The following UBE4A variants were observed in gnomAD, a reference collection of about 807,000 sequenced individuals.
UBE4A encodes the protein ubiquitin conjugation factor E4 A.
A neutral mutation model predicts 117.9 loss-of-function variants in UBE4A; 48 were observed. The ratio of observed to expected loss-of-function variants is 0.41; its 90% CI spans 0.32 to 0.52. The LOEUF (loss-of-function observed/expected upper bound fraction) is 0.52, where lower values mean the gene tolerates loss of function less well. Among genes scored for constraint, UBE4A ranks in the 20% least tolerant of loss-of-function variants. The probability of loss-of-function intolerance (pLI) is 0.33; values close to 1 mark genes in which losing one functional copy is unlikely to be tolerated. For synonymous variants in UBE4A, 407 were observed against 450.0 expected, an observed-to-expected ratio of 0.90 and a Z score of 1.21; for missense variants, 1,067 against 1,296.3, an observed-to-expected ratio of 0.82 and a Z score of 2.72.
At chr11:118,382,940 T>G (rs1432989806) in intron 13 of UBE4A, among the ~76,000 whole-genome samples, 164 bp downstream of exon 13, 12 of 152,038 alleles carry the variant, frequency 7.9e-5, no homozygotes, top group African/African-American at 2.9e-4. Flanking sequence ...TTTTTAACAT[T>G]ATCCCATTGT....
At position 118,376,706 on chromosome 11, in the gene UBE4A, G is replaced by A. The variant is rs2134095717; in HGVS notation, c.1571+12G>A. 6.2e-7 allele frequency: 1 copy of A among 1,611,306 alleles called. No homozygotes were observed. The highest frequency in any genetic ancestry group is 1.1e-5 in the South Asian group (1 of 90,728). On this transcript the variant is annotated intron_variant, in intron 10 of 19. Coordinates refer to ENST00000252108, the MANE Select transcript of UBE4A (RefSeq NM_001204077.2). ...TTGGGATTTCACAGGTAACTCCTCT[G>A]ATGTCATTAGGAAAAAACAGTTTAG...
chr11:118,375,501 A>G (rs914622374), intron 9 of UBE4A, among the ~76,000 whole-genome samples: 7 of 152,098 alleles, frequency 4.6e-5, no homozygotes, highest in African/African-American at 1.7e-4. Context: ...CTGGGACTAC[A>G]GGCACGCGCC....
At position 118,398,951 on chromosome 11, in the gene UBE4A, C is replaced by T. The variant is rs1269564965; in HGVS notation, c.*2511C>T. The T allele has an allele frequency of 1.3e-5, 5 of 393,182 alleles. No individual in the cohort carries two copies. Among genetic ancestry groups the T allele is most frequent in the Non-Finnish European group, 2.1e-5 (4 of 192,222 alleles). 24.4% of individuals were successfully genotyped at this position (393,182 alleles called of 1,614,324 possible). A position where few individuals can be genotyped will look rare whatever the true frequency, so the allele number is the denominator to read the frequency against. ...GATGGTGGTTGCTAAGCAGCCATTG[C>T]ACAGAGCATAAGTCTACTGGGTGCC... On this transcript the variant is annotated 3_prime_UTR_variant, in exon 20 of 20. Transcript: ENST00000252108.
chr11:118,372,689 T>C, intron 6 of UBE4A, 23 bp downstream of exon 6: 2 of 1,608,588 alleles, frequency 1.2e-6, no homozygotes, highest in Non-Finnish European at 8.5e-7. Flanking sequence ...ACAAGATCTG[T>C]AAGCTTCTAC....
chr11:118,370,023 C>T (rs1247967419), intron 4 of UBE4A, among the ~76,000 whole-genome samples: 2 of 151,024 alleles, frequency 1.3e-5, no homozygotes, highest in Admixed American at 1.3e-4. Context: ...ACCCAGGAGG[C>T]GGAGGTTGCA....
intron 11 of UBE4A, 23 bp downstream of exon 11, chr11:118,379,773 A>C: frequency 1.3e-6 from 2 of 1,599,780 alleles, no homozygotes; most frequent in Non-Finnish European, 1.7e-6. Flanking sequence ...TCCCTTGGGA[A>C]TGTCCTGTTT....
At chr11:118,371,783 G>C (rs752755829) in intron 5 of UBE4A, 117 bp downstream of exon 5, 1 of 1,116,414 alleles carries the variant, frequency 9.0e-7, no homozygotes, top group South Asian at 2.0e-5. Context: ...ATGTCTAGAA[G>C]TGAATATCAG....
In UBE4A at chr11:118,390,793, G is replaced by C; in HGVS notation, c.2905G>C (p.Glu969Gln). Residue 969 changes from glutamate (E) to glutamine (Q), a missense_variant, in exon 18 of 20, where the codon GAG becomes CAG. Glu to Gln is a conservative substitution (Grantham distance 29). Transcript: ENST00000252108. The stretch of plus-strand genomic sequence containing the variant: ...GATTATGGCTTTCAGCAACTTGGCA[G>C]AGAGAATCAAGGTGAGGAAGAGGAG... ...NMIMAFSNLA[E>Q]RIKSLADLQQ... The C allele has an allele frequency of 6.2e-7, 1 of 1,610,266 alleles. No individual in the cohort carries two copies. The highest frequency in any genetic ancestry group is 8.5e-7 in the Non-Finnish European group (1 of 1,177,984).
intron 4 of UBE4A, 97 bp downstream of exon 4, chr11:118,369,632 G>T: frequency 1.9e-5 from 13 of 690,418 alleles, no homozygotes; most frequent in Admixed American, 2.9e-5. Flanking sequence ...GTGTCCATAT[G>T]TCCATCCCTC....
chr11:118,381,544 T>G (rs1555126354), intron 12 of UBE4A, 21 bp downstream of exon 12: 1 of 1,613,114 alleles, frequency 6.2e-7, no homozygotes, highest in Admixed American at 1.7e-5. Flanking sequence ...GAAAGCTTGG[T>G]TCTGTCACTG....
intron 1 of UBE4A, 84 bp from the exon 2 acceptor site, chr11:118,364,956 G>A: frequency 8.3e-7 from 1 of 1,207,048 alleles, no homozygotes; most frequent in Non-Finnish European, 1.1e-6. Flanking sequence ...TTGTATTTGA[G>A]AAATGGGAAA....
intron 9 of UBE4A, among the ~76,000 whole-genome samples, chr11:118,375,957 A>G (rs1416586714): frequency 1.3e-5 from 2 of 152,190 alleles, no homozygotes; most frequent in Non-Finnish European, 2.9e-5. Flanking sequence ...TTGAGAGACA[A>G]GTTAGGTTTT....
chr11:118,367,764 C>T (rs889421444), intron 2 of UBE4A, among the ~76,000 whole-genome samples: 3 of 152,196 alleles, frequency 2.0e-5, no homozygotes, highest in Middle Eastern at 3.4e-3. Context: ...TCCCAAAGTG[C>T]TGGGATTACA....
Position 118,379,707 on chromosome 11 carries a change from C to T in UBE4A, c.1833C>T (p.Thr611=), listed in dbSNP as rs1555125978. 3 of 1,613,148 alleles carry T rather than the reference C, an allele frequency of 1.9e-6. No individual in the cohort carries two copies. Among genetic ancestry groups the T allele is most frequent in the Non-Finnish European group, 2.5e-6 (3 of 1,179,092 alleles). ...GNEGSQPIEL[T]FPLPDGYSSL... is the part of the protein sequence containing the mutation. ...AGGGCTCACAGCCAATAGAGCTAAC[C>T]TTTCCTTTGCCAGATGGCTACAGCT... Residue 611 remains threonine, a synonymous_variant, in exon 11 of 20, where the codon ACC becomes ACT. Coordinates refer to ENST00000252108, the MANE Select transcript of UBE4A (RefSeq NM_001204077.2).
chr11:118,389,056 C>T (rs903038981), intron 16 of UBE4A, among the ~76,000 whole-genome samples: 1 of 152,172 alleles, frequency 6.6e-6, no homozygotes, highest in Admixed American at 6.5e-5. Flanking sequence ...CTTTGGAAGC[C>T]GAGGCAGGAG....
chr11:118,362,623 T>C (rs753937843), intron 1 of UBE4A, among the ~76,000 whole-genome samples: 8 of 152,370 alleles, frequency 5.3e-5, no homozygotes, highest in Non-Finnish European at 8.8e-5. Flanking sequence ...TCCAGACTTA[T>C]CTTTCCATCT....
At position 118,372,604 on chromosome 11, in the gene UBE4A, A is replaced by G. The variant is rs202173027; in HGVS notation, c.659A>G (p.Tyr220Cys). ...ACAGTTCTTCTCACCCCAGAGATCT[A>G]TGTTGACCAAAACATCCATGAGCAA... ...TRTVLLTPEI[Y>C]VDQNIHEQLV... The change falls in exon 6 of 20, where the codon TAT becomes TGT. Residue 220 changes from tyrosine to cysteine, a missense_variant. Tyr to Cys is a radical substitution (Grantham distance 194). Coordinates refer to ENST00000252108, the MANE Select transcript of UBE4A (RefSeq NM_001204077.2). 2 of 1,614,072 alleles carry G rather than the reference A, an allele frequency of 1.2e-6. No homozygotes were observed. The highest frequency in any genetic ancestry group is 1.7e-6 in the Non-Finnish European group (2 of 1,180,046).
Position 118,379,540 on chromosome 11 carries a change from A to G in UBE4A, c.1666A>G (p.Asn556Asp), listed in dbSNP as rs782354863. The G allele has an allele frequency of 6.1e-5, 98 of 1,614,122 alleles. 1 individual carries two copies. The highest frequency in any genetic ancestry group is 1.6e-4 in the Middle Eastern group (1 of 6,084). Residue 556 changes from asparagine to aspartate, a missense_variant, in exon 11 of 20, where the codon AAT (asparagine) becomes GAT (aspartate). Transcript: ENST00000252108. ...AQQSSSPAADNLREQFERLMT... is the reference protein window; with the variant it reads ...AQQSSSPAADDLREQFERLMT... ...GCAAAGTTCTAGCCCTGCTGCTGAC[A>G]ATCTTCGTGAGCAGTTTGAACGACT... is the stretch of plus-strand genomic sequence containing the variant.
chr11:118,382,873 C>A, intron 13 of UBE4A, 97 bp downstream of exon 13: 1 of 1,201,866 alleles, frequency 8.3e-7, no homozygotes, highest in Non-Finnish European at 1.1e-6. Context: ...AATGTCAAGC[C>A]ATTACTTATT....
Sources: allele counts gnomAD v4.1 joint callset (sites outside exome capture counted in the v4.1 genomes callset), GRCh38; gene constraint gnomAD v4.1.1; transcripts MANE v1.5; gene names NCBI Gene and HGNC (gene_info 2026-07-23, HGNC 2026-07-21).